Variants in LMO7 observed in about 807,000 individuals in gnomAD.
The protein encoded by LMO7 is LIM domain only protein 7.
LMO7 carries 120 observed loss-of-function variants against 206.5 expected under a neutral mutation model. The observed-to-expected ratio is 0.58, with a 90% confidence interval of 0.50 to 0.68. The LOEUF (loss-of-function observed/expected upper bound fraction) is 0.68. Ranked by LOEUF, LMO7 falls within the 30% of genes least tolerant of loss-of-function variation. LMO7 has a pLI of 0.00. For missense variants in LMO7, 1,959 were observed against 1,957.9 expected, an observed-to-expected ratio of 1.00 and a Z score of -0.01; for synonymous variants, 706 against 681.5, an observed-to-expected ratio of 1.04 and a Z score of -0.56.
At chr13:75,633,380 A>G (rs942586198), upstream of LMO7, among the ~76,000 whole-genome samples, 1 of 152,168 alleles carries the variant, frequency 6.6e-6, no homozygotes, top group Non-Finnish European at 1.5e-5. Flanking sequence ...AGTGCCAATA[A>G]AAAGTAGTTG....
At chr13:75,685,380 A>G (rs547088114) in intron 1 of LMO7, among the ~76,000 whole-genome samples, 42 of 152,276 alleles carry the variant, frequency 2.8e-4, no homozygotes, top group Middle Eastern at 3.4e-3. Flanking sequence ...TGTTTGTGTG[A>G]AGTGGAAGGA....
intron 13 of LMO7, 138 bp from the exon 14 acceptor site, chr13:75,821,039 C>A (rs1200949510): frequency 1.6e-6 from 1 of 631,030 alleles, no homozygotes; most frequent in African/African-American, 1.8e-5. Context: ...TCTTTATGCT[C>A]TGTAAGTGTT....
Position 75,845,313 on chromosome 13 carries a change from G to A in LMO7, c.4098-14G>A. ...TAATGAGACATATTTAATATATTGT[G>A]TTCTGTGTTTTAGGAATAAATCCAG... On this transcript the variant is annotated splice_polypyrimidine_tract_variant and intron_variant, in intron 25 of 30. Coordinates refer to ENST00000377534, the MANE Select transcript of LMO7 (RefSeq NM_001306080.2). The A allele has an allele frequency of 3.6e-6, 5 of 1,399,724 alleles. No individual in the cohort carries two copies. The highest frequency in any genetic ancestry group is 2.3e-5 in the East Asian group (1 of 43,168). The allele number at this position is 1,399,724 out of a possible 1,614,324, so 86.7% of individuals were successfully genotyped here. A position where few individuals can be genotyped will look rare whatever the true frequency, so the allele number is the denominator to read the frequency against.
chr13:75,838,222 G>A (rs1243899219), intron 20 of LMO7, 26 bp downstream of exon 20: 1 of 1,582,926 alleles, frequency 6.3e-7, no homozygotes, highest in East Asian at 2.2e-5. Flanking sequence ...AACAATTCAT[G>A]CACTTTCATG....
In LMO7 at chr13:75,761,013, GATTT is replaced by G; in HGVS notation, c.295_298del (p.Leu99GlnfsTer15). ...GCTTTTCCATCCTGGAGATCTACAG[GATTT>G]ATCAAATCGAGTCACTGTCAAGTAA... On this transcript the variant is annotated frameshift_variant, in exon 4 of 31. Transcript: ENST00000377534. LOFTEE classifies it high-confidence loss of function. 6.2e-7 allele frequency: 1 copy of G among 1,607,604 alleles called. No homozygotes were observed. Among genetic ancestry groups the G allele is most frequent in the Non-Finnish European group, 8.5e-7 (1 of 1,175,316 alleles).
At chr13:75,734,874 C>T (rs144119555) in intron 3 of LMO7, among the ~76,000 whole-genome samples, 192 of 152,154 alleles carry the variant, frequency 1.3e-3, no homozygotes, top group African/African-American at 4.0e-3. Flanking sequence ...CCAAGGCGGG[C>T]GGATCACAAG....
chr13:75,811,491 G>A (rs765897461), intron 11 of LMO7, among the ~76,000 whole-genome samples: 19 of 152,112 alleles, frequency 1.2e-4, no homozygotes, highest in Non-Finnish European at 1.9e-4. Context: ...GTCAAGCTTG[G>A]CATACTTACC....
chr13:75,709,592 T>G (rs1460388291), intron 1 of LMO7, among the ~76,000 whole-genome samples: 5 of 152,256 alleles, frequency 3.3e-5, no homozygotes, highest in Admixed American at 6.5e-5. Context: ...TGCATAAATG[T>G]CTTCTTTTGA....
At chr13:75,686,220 A>G (rs9544026) in intron 1 of LMO7, among the ~76,000 whole-genome samples, 62,265 of 151,900 alleles carry the variant, frequency 0.41, 13,951 homozygotes, top group Middle Eastern at 0.52. Context: ...AATTTCCAAA[A>G]GAAGATTATT....
At chr13:75,826,683 C>T (rs531043556) in intron 15 of LMO7, among the ~76,000 whole-genome samples, 55 of 152,158 alleles carry the variant, frequency 3.6e-4, no homozygotes, top group African/African-American at 1.0e-3. Context: ...ATCAACAATC[C>T]GAATGTGGAC....
chr13:75,666,998 A>G (rs182400431), intron 1 of LMO7, among the ~76,000 whole-genome samples: 2 of 152,316 alleles, frequency 1.3e-5, no homozygotes, highest in East Asian at 3.9e-4. Flanking sequence ...AAAAAAGTCT[A>G]GCTTACTCTT....
chr13:75,839,028 G>A (rs922027346), intron 20 of LMO7, among the ~76,000 whole-genome samples: 10 of 152,142 alleles, frequency 6.6e-5, no homozygotes, highest in African/African-American at 2.2e-4. Context: ...TTATAACACA[G>A]TACTTATTGG....
At chr13:75,750,267 G>A (rs2047166679) in intron 3 of LMO7, among the ~76,000 whole-genome samples, 1 of 151,724 alleles carries the variant, frequency 6.6e-6, no homozygotes, top group Non-Finnish European at 1.5e-5. Flanking sequence ...GGTGACTTAT[G>A]TGCATACTAA....
At chr13:75,630,586 A>T (rs1261644168) in intron 2 of LMO7, among the ~76,000 whole-genome samples, 2 of 152,086 alleles carry the variant, frequency 1.3e-5, no homozygotes, top group Non-Finnish European at 1.5e-5. Context: ...AGGTGGGAGG[A>T]TCACTTGAGC....
At chr13:75,724,760 G>T (rs549684490) in intron 2 of LMO7, among the ~76,000 whole-genome samples, 22 of 152,082 alleles carry the variant, frequency 1.4e-4, no homozygotes, top group Non-Finnish European at 2.9e-4. Flanking sequence ...AATTTAATGG[G>T]TGTTCAGTAT....
At chr13:75,836,348 C>T in intron 18 of LMO7, 49 bp from the exon 19 acceptor site, 1 of 1,038,158 alleles carries the variant, frequency 9.6e-7, no homozygotes, top group Non-Finnish European at 1.4e-6. Flanking sequence ...TTATTTAAGG[C>T]CAAAGTCCAA....
At chr13:75,701,490 A>ATG (rs1206721146) in intron 1 of LMO7, among the ~76,000 whole-genome samples, 3 of 152,272 alleles carry the variant, frequency 2.0e-5, no homozygotes, top group Admixed American at 2.0e-4. Context: ...AGACTTGCTA[A>ATG]TGTGTGTGTG....
chr13:75,858,054 AG>A lies in LMO7; in HGVS notation c.*112del. ...CTTTTTTGCTTTTTTTTTAAAAAAA[AG>A]AATAACTTTTTTTGCCTCTTTAGAT... is the stretch of plus-strand genomic sequence containing the variant. On this transcript the variant is annotated 3_prime_UTR_variant, in exon 31 of 31. Coordinates refer to ENST00000377534, the MANE Select transcript of LMO7 (RefSeq NM_001306080.2). 7.4e-7 allele frequency: 1 copy of A among 1,346,474 alleles called. No individual in the cohort carries two copies. Among genetic ancestry groups the A allele is most frequent in the South Asian group, 1.3e-5 (1 of 76,758 alleles). The allele number at this position is 1,346,474 out of a possible 1,614,324, so 83.4% of individuals were successfully genotyped here.
intron 4 of LMO7, among the ~76,000 whole-genome samples, chr13:75,769,501 C>T (rs2049349581): frequency 6.6e-6 from 1 of 151,978 alleles, no homozygotes; most frequent in Non-Finnish European, 1.5e-5. Flanking sequence ...ACGTGGTATA[C>T]TTGTACACTC....
Sources: allele counts gnomAD v4.1 joint callset (sites outside exome capture counted in the v4.1 genomes callset), GRCh38; gene constraint gnomAD v4.1.1; transcripts MANE v1.5; gene names NCBI Gene and HGNC (gene_info 2026-07-23, HGNC 2026-07-21).